SNCAIP: variants seen among roughly 807,000 people sequenced by gnomAD.
SNCAIP encodes synuclein alpha interacting protein.
SNCAIP carries 43 observed loss-of-function variants against 86.7 expected under a neutral mutation model. That is an observed-to-expected ratio of 0.50 (90% CI 0.39 to 0.64). The LOEUF is 0.64. SNCAIP is among the 30% of genes least tolerant of loss of function. The probability of loss-of-function intolerance (pLI) is 0.00; values close to 1 mark genes in which losing one functional copy is unlikely to be tolerated. For missense variants in SNCAIP, 981 were observed against 1,103.1 expected, an observed-to-expected ratio of 0.89 and a Z score of 1.57; for synonymous variants, 417 against 427.2, an observed-to-expected ratio of 0.98 and a Z score of 0.29.
At chr5:122,390,381 T>C (rs1769091298) in intron 1 of SNCAIP, among the ~76,000 whole-genome samples, 1 of 152,034 alleles carries the variant, frequency 6.6e-6, no homozygotes, top group South Asian at 2.1e-4. Flanking sequence ...CTGTGATAGA[T>C]TTAAAGGGTT....
intron 3 of SNCAIP, 151 bp from the exon 4 acceptor site, chr5:122,422,717 T>A (rs1031274603): frequency 6.3e-6 from 4 of 636,532 alleles, no homozygotes; most frequent in Non-Finnish European, 1.1e-5. Flanking sequence ...TAAGTATGAT[T>A]TTTTTTGTTC....
intron 1 of SNCAIP, among the ~76,000 whole-genome samples, chr5:122,314,065 A>G (rs1253184258): frequency 6.6e-6 from 1 of 152,232 alleles, no homozygotes; most frequent in Non-Finnish European, 1.5e-5. Flanking sequence ...TTGATATCCA[A>G]AAGGAAGTGA....
intron 1 of SNCAIP, among the ~76,000 whole-genome samples, chr5:122,387,435 A>C (rs1407055913): frequency 6.6e-6 from 1 of 152,188 alleles, no homozygotes; most frequent in Non-Finnish European, 1.5e-5. Context: ...TACAGGTGTG[A>C]GTCACCATGC....
intron 1 of SNCAIP, among the ~76,000 whole-genome samples, chr5:122,325,268 G>T (rs550506245): frequency 1.3e-5 from 2 of 152,220 alleles, no homozygotes; most frequent in African/African-American, 4.8e-5. Context: ...TCTGGCTTCC[G>T]GTTGGGTTTG....
chr5:122,373,555 T>A (rs1764679110), intron 1 of SNCAIP, among the ~76,000 whole-genome samples: 1 of 152,206 alleles, frequency 6.6e-6, no homozygotes, highest in Admixed American at 6.5e-5. Context: ...ACTTGTACCA[T>A]CCTAATCTTC....
chr5:122,423,785 C>A, intron 4 of SNCAIP, 46 bp downstream of exon 4: 2 of 1,519,184 alleles, frequency 1.3e-6, no homozygotes, highest in South Asian at 1.2e-5. Context: ...ACTGGAGACT[C>A]CTTTTTAATA....
At chr5:122,377,235 C>T (rs1765516411) in intron 1 of SNCAIP, among the ~76,000 whole-genome samples, 1 of 152,122 alleles carries the variant, frequency 6.6e-6, no homozygotes, top group Admixed American at 6.6e-5. Flanking sequence ...GTTTTCTTGG[C>T]TTCCTTTCTC....
rs189957355 is a variant in SNCAIP at position 122,444,431 on chromosome 5, G to A, written c.1423-132G>A. The A allele has an allele frequency of 1.6e-3, 1,271 of 801,244 alleles. 10 individuals carry two copies. Among genetic ancestry groups the A allele is most frequent in the Non-Finnish European group, 1.5e-3 (665 of 449,852 alleles). 49.6% of individuals were successfully genotyped at this position (801,244 alleles called of 1,614,324 possible). A position where few individuals can be genotyped will look rare whatever the true frequency, so the allele number is the denominator to read the frequency against. On this transcript the variant is annotated intron_variant, in intron 7 of 10. Transcript: ENST00000261368. ...CTGCTACATCATCATAGACTCTGAA[G>A]GGAGGTGTGTGATATTGACTGCTGA...
At chr5:122,406,820 A>G (rs1773105314) in intron 3 of SNCAIP, among the ~76,000 whole-genome samples, 1 of 152,090 alleles carries the variant, frequency 6.6e-6, no homozygotes, top group South Asian at 2.1e-4. Flanking sequence ...TTTATAAATT[A>G]CCCAATCTCG....
intron 3 of SNCAIP, among the ~76,000 whole-genome samples, chr5:122,407,351 A>C (rs895277028): frequency 9.2e-5 from 14 of 152,346 alleles, no homozygotes; most frequent in African/African-American, 2.6e-4. Context: ...AAGTATGAGG[A>C]AGAAAAAACC....
intron 1 of SNCAIP, among the ~76,000 whole-genome samples, chr5:122,355,582 T>C (rs1760832772): frequency 6.6e-6 from 1 of 152,194 alleles, no homozygotes; most frequent in African/African-American, 2.4e-5. Flanking sequence ...GAACATCAGA[T>C]GAGGTAAGGC....
intron 9 of SNCAIP, among the ~76,000 whole-genome samples, chr5:122,450,206 T>C (rs1485288063): frequency 1.3e-5 from 2 of 152,200 alleles, no homozygotes; most frequent in Non-Finnish European, 2.9e-5. Flanking sequence ...CAATTCTTCA[T>C]CTGTGAAGTG....
intron 7 of SNCAIP, 44 bp from the exon 8 acceptor site, chr5:122,444,519 T>C: frequency 1.9e-6 from 3 of 1,554,750 alleles, no homozygotes; most frequent in Non-Finnish European, 2.7e-6. Context: ...AAAAATAATG[T>C]GTACAGAGAT....
chr5:122,341,168 C>G (rs1334498320), intron 1 of SNCAIP, among the ~76,000 whole-genome samples: 1 of 152,154 alleles, frequency 6.6e-6, no homozygotes, highest in Non-Finnish European at 1.5e-5. Flanking sequence ...TAATCAGCAC[C>G]TTGTCTTTCT....
intron 10 of SNCAIP, among the ~76,000 whole-genome samples, chr5:122,460,522 CCT>C (rs1229666032): frequency 3.9e-5 from 6 of 151,966 alleles, no homozygotes; most frequent in Non-Finnish European, 7.4e-5. Flanking sequence ...TCTCTCTTTC[CCT>C]CTCTTTCCTA....
chr5:122,375,652 TAGAG>T, intron 1 of SNCAIP, among the ~76,000 whole-genome samples: 1 of 151,984 alleles, frequency 6.6e-6, no homozygotes, highest in Non-Finnish European at 1.5e-5. Flanking sequence ...TGAAGTGCTA[TAGAG>T]AAAGGAAATT....
At chr5:122,342,951 T>C (rs1042035337) in intron 1 of SNCAIP, among the ~76,000 whole-genome samples, 1 of 152,244 alleles carries the variant, frequency 6.6e-6, no homozygotes, top group Admixed American at 6.5e-5. Flanking sequence ...ATCTTCATAT[T>C]TGCCTTACAT....
chr5:122,453,176 C>T (rs752029955), intron 10 of SNCAIP, among the ~76,000 whole-genome samples: 5 of 152,116 alleles, frequency 3.3e-5, no homozygotes, highest in Non-Finnish European at 7.3e-5. Flanking sequence ...GGTCTTAGGT[C>T]GCTAGTCTGC....
chr5:122,429,089 C>T (rs1777903594), intron 5 of SNCAIP, among the ~76,000 whole-genome samples: 1 of 151,502 alleles, frequency 6.6e-6, no homozygotes, highest in East Asian at 1.9e-4. Flanking sequence ...TAAGAAATCA[C>T]AAGGAAAATT....
Sources: allele counts gnomAD v4.1 joint callset (sites outside exome capture counted in the v4.1 genomes callset), GRCh38; gene constraint gnomAD v4.1.1; transcripts MANE v1.5; gene names NCBI Gene and HGNC (gene_info 2026-07-23, HGNC 2026-07-21).